AHCTF1: variants seen among roughly 807,000 people sequenced by gnomAD.
The protein encoded by AHCTF1 is protein ELYS.
Under a neutral mutation model 248.4 loss-of-function variants are expected in AHCTF1, and 24 were observed. That is an observed-to-expected ratio of 0.10 (90% confidence interval 0.07 to 0.14). The LOEUF is 0.14. AHCTF1 is among the 10% of genes least tolerant of loss of function. The pLI is 1.00. For synonymous variants in AHCTF1, 786 were observed against 929.8 expected, an observed-to-expected ratio of 0.85 and a Z score of 2.81; for missense variants, 2,206 against 2,636.2, an observed-to-expected ratio of 0.84 and a Z score of 3.57.
At chr1:246,855,975 T>C (rs74152748) in intron 30 of AHCTF1, 148 bp from the exon 31 acceptor site, 61,076 of 498,760 alleles carry the variant, frequency 0.12, 6,742 homozygotes, top group African/African-American at 0.43. Flanking sequence ...TGAACAATAA[T>C]ATAAAATTTA....
chr1:246,877,034 A>G lies in AHCTF1; in HGVS notation c.2853T>C (p.His951=), dbSNP rs1294389216. The G allele has an allele frequency of 1.9e-6, 3 of 1,612,234 alleles. No individual in the cohort carries two copies. Among genetic ancestry groups the G allele is most frequent in the Admixed American group, 1.7e-5 (1 of 60,030 alleles). Residue 951 remains histidine (H), a synonymous_variant, in exon 23 of 36, where the codon CAT becomes CAC. Coordinates refer to ENST00000648844, the MANE Select transcript of AHCTF1 (RefSeq NM_001323342.2). ...FLQSSASVQN[H]EFLLVHHLQR... is the part of the protein sequence containing the mutation. ...GCAAATGGTGCACTAAAAGGAATTC[A>G]TGATTCTGAACGCTGGCACTGGACT... is the stretch of plus-strand genomic sequence containing the variant.
chr1:246,929,235 C>T (rs943216332), intron 1 of AHCTF1, among the ~76,000 whole-genome samples: 6 of 152,014 alleles, frequency 3.9e-5, no homozygotes, highest in African/African-American at 1.4e-4. Context: ...ATGGTGAAAC[C>T]CCGTCTCTAC....
chr1:246,863,078 C>A (rs1246362853), intron 27 of AHCTF1, among the ~76,000 whole-genome samples: 1 of 152,100 alleles, frequency 6.6e-6, no homozygotes, highest in East Asian at 1.9e-4. Flanking sequence ...TTCATTTGAA[C>A]CTAGCTGTAG....
intron 3 of AHCTF1, among the ~76,000 whole-genome samples, chr1:246,915,088 T>G (rs1038062230): frequency 6.6e-6 from 1 of 152,138 alleles, no homozygotes; most frequent in Non-Finnish European, 1.5e-5. Flanking sequence ...TCCCAGCACT[T>G]TGGGAGGCTA....
Position 246,853,275 on chromosome 1 carries a change from C to A in AHCTF1, c.4379G>T (p.Gly1460Val). 1 of 1,613,142 alleles carries A rather than the reference C, an allele frequency of 6.2e-7. No individual in the cohort carries two copies. Among genetic ancestry groups the A allele is most frequent in the South Asian group, 1.1e-5 (1 of 90,740 alleles). The change falls in exon 32 of 36, where the codon GGT becomes GTT. Residue 1460 changes from glycine to valine, a missense_variant. Gly to Val is a moderately radical substitution (Grantham distance 109). Around this residue, in one of 6 missense-constraint regions of AHCTF1, gnomAD observed 955 missense variants for 1,055.6 expected, o/e 0.90. Coordinates refer to ENST00000648844, the MANE Select transcript of AHCTF1 (RefSeq NM_001323342.2). Reference protein sequence around the residue: ...NKSMADVLGDGGNSSLTISEG... With the variant: ...NKSMADVLGDVGNSSLTISEG... Reference sequence around the variant, plus strand: ...AGAGATAGTGAGCGAGGAGTTTCCACCATCACCAAGGACATCAGCCATAGC... The same window carrying A: ...AGAGATAGTGAGCGAGGAGTTTCCAACATCACCAAGGACATCAGCCATAGC...
At chr1:246,907,996 T>A (rs1199900817) in intron 4 of AHCTF1, among the ~76,000 whole-genome samples, 1 of 152,208 alleles carries the variant, frequency 6.6e-6, no homozygotes, top group Non-Finnish European at 1.5e-5. Flanking sequence ...ATTCTCTCAG[T>A]ACATCTCAAA....
Position 246,860,882 on chromosome 1 carries a change from C to G in AHCTF1, c.4132+17G>C. On this transcript the variant is annotated intron_variant, in intron 29 of 35. Transcript: ENST00000648844. ...GACATTAATAACAATTTTGAGTATT[C>G]AGAAATGAGTTCTTACCCATTTGTT... 1.3e-6 allele frequency: 2 copies of G among 1,593,442 alleles called. No individual in the cohort carries two copies. Among genetic ancestry groups the G allele is most frequent in the Non-Finnish European group, 1.7e-6 (2 of 1,166,300 alleles).
intron 26 of AHCTF1, among the ~76,000 whole-genome samples, 157 bp downstream of exon 26, chr1:246,867,087 T>C (rs1007899660): frequency 2.0e-5 from 3 of 152,178 alleles, no homozygotes; most frequent in Non-Finnish European, 4.4e-5. Context: ...ATGTAAAATT[T>C]CCTAAAATTA....
intron 21 of AHCTF1, among the ~76,000 whole-genome samples, chr1:246,880,956 G>A (rs758046033): frequency 6.6e-6 from 1 of 152,206 alleles, no homozygotes; most frequent in East Asian, 1.9e-4. Flanking sequence ...AGGAATGCAT[G>A]GGGGTTCTTG....
intron 17 of AHCTF1, 22 bp from the exon 18 acceptor site, chr1:246,888,539 G>A: frequency 1.2e-6 from 2 of 1,611,960 alleles, no homozygotes; most frequent in East Asian, 2.2e-5. Flanking sequence ...GAAAAATTAA[G>A]ACTTATTTAA....
rs753977798 is a variant in AHCTF1, at chr1:246,872,051, C to CAA, written c.3088+3984_3088+3985dup. 4.0e-3 allele frequency among the ~76,000 whole-genome samples: 338 copies of CAA among 83,658 alleles called. 2 individuals carry two copies. The highest frequency in any genetic ancestry group is 7.0e-3 in the Middle Eastern group (1 of 142). 54.9% of individuals were successfully genotyped at this position (83,658 alleles called of 152,430 possible). A position where few individuals can be genotyped will look rare whatever the true frequency, so the allele number is the denominator to read the frequency against. ...ATTCAGAAAGATGAACTATTAATGA[C>CAA]AAAAAAAAAAAAAAAAAAAGAACCT... is the stretch of plus-strand genomic sequence containing the variant. On this transcript the variant is annotated intron_variant, in intron 24 of 35. Coordinates refer to ENST00000648844, the MANE Select transcript of AHCTF1 (RefSeq NM_001323342.2).
At chr1:246,860,122 T>C (rs1233877613) in intron 29 of AHCTF1, among the ~76,000 whole-genome samples, 1 of 150,088 alleles carries the variant, frequency 6.7e-6, no homozygotes, top group African/African-American at 2.4e-5. Flanking sequence ...TAGCCAGTCA[T>C]GGTGGGGGGC....
At chr1:246,929,989 TTGCAG>T (rs1667225587) in intron 1 of AHCTF1, among the ~76,000 whole-genome samples, 10 of 149,850 alleles carry the variant, frequency 6.7e-5, no homozygotes, top group African/African-American at 2.5e-4. Context: ...GAGACGGAGG[TTGCAG>T]TGAGCCAAGA....
intron 33 of AHCTF1, 114 bp downstream of exon 33, chr1:246,849,501 T>A: frequency 7.3e-7 from 1 of 1,369,696 alleles, no homozygotes; most frequent in Non-Finnish European, 9.9e-7. Context: ...TCAATTTTGG[T>A]TTGAGGGGGG....
intron 24 of AHCTF1, among the ~76,000 whole-genome samples, chr1:246,868,879 C>G (rs1309532242): frequency 4.1e-5 from 6 of 144,614 alleles, no homozygotes; most frequent in South Asian, 2.1e-4. Context: ...GAGTCTCGCT[C>G]TGTCACCCAG....
At chr1:246,873,082 C>A (rs557833335) in intron 24 of AHCTF1, among the ~76,000 whole-genome samples, 1 of 152,288 alleles carries the variant, frequency 6.6e-6, no homozygotes, top group South Asian at 2.1e-4. Flanking sequence ...TCAGATCAGG[C>A]GCTACTAGGT....
At chr1:246,924,163 A>G (rs1242187829) in intron 1 of AHCTF1, among the ~76,000 whole-genome samples, 2 of 152,346 alleles carry the variant, frequency 1.3e-5, no homozygotes, top group African/African-American at 4.8e-5. Flanking sequence ...CTGTGGTAAA[A>G]TAACAGGATA....
intron 1 of AHCTF1, chr1:246,931,200 C>G (rs1667331515): frequency 1.3e-6 from 2 of 1,550,204 alleles, no homozygotes; most frequent in Non-Finnish European, 1.7e-6. Flanking sequence ...CCGCTTCCCT[C>G]GGGGAAAGGC....
chr1:246,908,636 T>G (rs889991086), intron 4 of AHCTF1, among the ~76,000 whole-genome samples: 1 of 150,642 alleles, frequency 6.6e-6, no homozygotes, highest in Non-Finnish European at 1.5e-5. Flanking sequence ...GCCTGTAATC[T>G]CAGCACTTTG....
Sources: gnomAD v4.1 joint callset for allele counts (sites outside exome capture counted in the v4.1 genomes callset) on GRCh38, gnomAD v4.1.1 for gene constraint, gnomAD v4.1.1 regional missense constraint, MANE v1.5 for transcripts, NCBI Gene and HGNC (gene_info 2026-07-23, HGNC 2026-07-21) for gene names.